The following UST variants were observed in gnomAD, a reference collection of about 807,000 sequenced individuals.
UST encodes the protein uronyl 2-sulfotransferase.
A neutral mutation model predicts 45.6 loss-of-function variants in UST; 21 were observed. The observed-to-expected ratio is 0.46, with a 90% confidence interval of 0.33 to 0.66. The LOEUF is 0.66. UST is among the 30% of genes least tolerant of loss of function. The pLI is 0.02. For synonymous variants in UST, 215 were observed against 200.6 expected (o/e 1.07, Z -0.61); for missense variants, 463 against 512.4 (o/e 0.90, Z 0.93).
intron 1 of UST, among the ~76,000 whole-genome samples, chr6:148,854,913 A>G (rs1210351688): frequency 1.3e-5 from 2 of 152,172 alleles, no homozygotes; most frequent in Non-Finnish European, 2.9e-5. Flanking sequence ...ATAAAGACAT[A>G]CCCGAGACGG....
intron 5 of UST, among the ~76,000 whole-genome samples, chr6:148,994,123 G>A: frequency 6.6e-6 from 1 of 151,736 alleles, no homozygotes; most frequent in Non-Finnish European, 1.5e-5. Flanking sequence ...GCATGCACCA[G>A]CACGCTGGCT....
chr6:148,814,215 C>T (rs899604289), intron 1 of UST, among the ~76,000 whole-genome samples: 5 of 152,046 alleles, frequency 3.3e-5, no homozygotes, highest in Non-Finnish European at 7.3e-5. Flanking sequence ...CAGGAGGAGC[C>T]ACCTGTATGA....
At chr6:148,936,706 A>AT (rs886070601) in intron 2 of UST, among the ~76,000 whole-genome samples, 70 of 140,724 alleles carry the variant, frequency 5.0e-4, no homozygotes, top group Non-Finnish European at 7.9e-4. Flanking sequence ...ATTTATTTTT[A>AT]TTTTTTTGAG....
At chr6:148,859,626 G>C (rs1463418153) in intron 1 of UST, among the ~76,000 whole-genome samples, 2 of 152,144 alleles carry the variant, frequency 1.3e-5, no homozygotes, top group African/African-American at 4.8e-5. Flanking sequence ...TATGGTTTTA[G>C]GTCTAACATT....
intron 2 of UST, among the ~76,000 whole-genome samples, chr6:148,925,079 A>G (rs1779786592): frequency 6.6e-6 from 1 of 152,160 alleles, no homozygotes; most frequent in Admixed American, 6.5e-5. Context: ...CTCTGCAAAC[A>G]CTGCTGACAT....
chr6:148,765,634 C>T (rs549279138), intron 1 of UST, among the ~76,000 whole-genome samples: 25 of 152,300 alleles, frequency 1.6e-4, no homozygotes, highest in African/African-American at 6.0e-4. Context: ...AAAGTAAAGA[C>T]AGGCATAGGA....
intron 2 of UST, among the ~76,000 whole-genome samples, chr6:148,927,463 C>A (rs1309228831): frequency 6.6e-6 from 1 of 152,122 alleles, no homozygotes; most frequent in African/African-American, 2.4e-5. Flanking sequence ...ATAATACAGT[C>A]ATTTGTCCTA....
At chr6:148,915,034 A>C (rs1013115609) in intron 2 of UST, among the ~76,000 whole-genome samples, 1 of 151,984 alleles carries the variant, frequency 6.6e-6, no homozygotes, top group Non-Finnish European at 1.5e-5. Flanking sequence ...CACATGGTGG[A>C]GGGGGCATGG....
intron 2 of UST, among the ~76,000 whole-genome samples, chr6:148,924,551 A>C (rs1225817565): frequency 6.6e-6 from 1 of 152,126 alleles, no homozygotes; most frequent in Non-Finnish European, 1.5e-5. Flanking sequence ...GGGAGAGGAG[A>C]CTGGCACTTG....
chr6:148,929,021 C>T (rs1779872740), intron 2 of UST, among the ~76,000 whole-genome samples: 1 of 152,200 alleles, frequency 6.6e-6, no homozygotes, highest in African/African-American at 2.4e-5. Flanking sequence ...AGCCATGGAT[C>T]CTTCGCACAT....
chr6:148,805,510 T>C (rs1002600847), intron 1 of UST, among the ~76,000 whole-genome samples: 2 of 152,202 alleles, frequency 1.3e-5, no homozygotes, highest in Non-Finnish European at 2.9e-5. Context: ...AAAAATTCTG[T>C]CTTTAAAACT....
At chr6:149,028,236 G>A (rs1011996806) in intron 7 of UST, among the ~76,000 whole-genome samples, 1 of 152,206 alleles carries the variant, frequency 6.6e-6, no homozygotes, top group Non-Finnish European at 1.5e-5. Flanking sequence ...CAGAGGCAAG[G>A]TATAGCCCCT....
At chr6:149,023,150 G>GTGTGTGTGT (rs71007933) in intron 7 of UST, among the ~76,000 whole-genome samples, 1 of 138,668 alleles carries the variant, frequency 7.2e-6, no homozygotes. Context: ...GTGTGTGTGT[G>GTGTGTGTGT]GTGTGGTGTG....
intron 5 of UST, among the ~76,000 whole-genome samples, chr6:148,995,784 G>A (rs928072978): frequency 6.6e-6 from 1 of 152,256 alleles, no homozygotes; most frequent in Non-Finnish European, 1.5e-5. Context: ...GACAAATTTT[G>A]TGTGGCAGAG....
chr6:148,996,370 C>T (rs1170033872), intron 5 of UST, among the ~76,000 whole-genome samples: 1 of 152,144 alleles, frequency 6.6e-6, no homozygotes, highest in Non-Finnish European at 1.5e-5. Flanking sequence ...AGGCACTTGC[C>T]ACCATGCCCA....
intron 1 of UST, among the ~76,000 whole-genome samples, chr6:148,865,091 T>C (rs1425547405): frequency 6.6e-6 from 1 of 152,236 alleles, no homozygotes; most frequent in East Asian, 1.9e-4. Context: ...GTTCATTTGG[T>C]CTGTACTGCA....
intron 1 of UST, among the ~76,000 whole-genome samples, chr6:148,797,108 T>C (rs966967528): frequency 2.6e-5 from 4 of 152,044 alleles, no homozygotes; most frequent in African/African-American, 4.8e-5. Flanking sequence ...CGATAATTCT[T>C]AATAGTTTAG....
chr6:149,005,743 G>A, intron 5 of UST: 1 of 590,594 alleles, frequency 1.7e-6, no homozygotes, highest in South Asian at 7.5e-5. Context: ...ATTAATTTAT[G>A]AACTCATTTC....
Position 149,019,624 on chromosome 6 carries a change from T to C in UST, c.779+388T>C, listed in dbSNP as rs139797313. Among the ~76,000 whole-genome samples, 281 of 152,302 alleles carry C rather than the reference T, an allele frequency of 1.8e-3. 2 individuals are homozygous for C. Among genetic ancestry groups the C allele is most frequent in the Admixed American group, 5.4e-3 (82 of 15,300 alleles). On this transcript the variant is annotated intron_variant, in intron 6 of 7. Transcript: ENST00000367463. Reference sequence around the variant, plus strand: ...GAACACCCAGCCTGCTCCTGTACAGTGACTGACTTAACCAACAACCTGCCC... The same window carrying C: ...GAACACCCAGCCTGCTCCTGTACAGCGACTGACTTAACCAACAACCTGCCC...
Sources: allele counts gnomAD v4.1 joint callset (sites outside exome capture counted in the v4.1 genomes callset), GRCh38; gene constraint gnomAD v4.1.1; transcripts MANE v1.5; gene names NCBI Gene and HGNC (gene_info 2026-07-23, HGNC 2026-07-21).